SNX29: variants seen among roughly 807,000 people sequenced by gnomAD.
SNX29 encodes sorting nexin 29, also known as sorting nexin-29.
A neutral mutation model predicts 102.1 loss-of-function variants in SNX29; 78 were observed. The ratio of observed to expected loss-of-function variants is 0.76; its 90% CI spans 0.64 to 0.92. The LOEUF (loss-of-function observed/expected upper bound fraction) is 0.92. Ranked by LOEUF, SNX29 falls within the 40% of genes least tolerant of loss-of-function variation. SNX29 has a pLI of 0.00. For synonymous variants in SNX29, 580 were observed against 414.5 expected (o/e 1.40, Z -4.85); for missense variants, 1,280 against 1,061.7 (o/e 1.21, Z -2.86).
intron 14 of SNX29, among the ~76,000 whole-genome samples, chr16:12,259,250 C>G (rs1486367566): frequency 6.6e-6 from 1 of 152,212 alleles, no homozygotes; most frequent in Non-Finnish European, 1.5e-5. Context: ...AAAAAATGCA[C>G]TCCGCTTCCA....
chr16:12,558,979 CTT>C (rs1265032192), intron 20 of SNX29, among the ~76,000 whole-genome samples: 3 of 152,178 alleles, frequency 2.0e-5, no homozygotes, highest in Non-Finnish European at 4.4e-5. Flanking sequence ...GATTCAGAGA[CTT>C]TAAAGAAATT....
At chr16:12,212,352 C>G (rs2142048187) in intron 14 of SNX29, among the ~76,000 whole-genome samples, 1 of 152,290 alleles carries the variant, frequency 6.6e-6, no homozygotes, top group Non-Finnish European at 1.5e-5. Flanking sequence ...TTCTCAGGAG[C>G]AGGGCTGTGT....
intron 14 of SNX29, among the ~76,000 whole-genome samples, chr16:12,264,132 A>G (rs1596678322): frequency 6.6e-6 from 1 of 152,358 alleles, no homozygotes; most frequent in African/African-American, 2.4e-5. Flanking sequence ...AGCCCCTTGC[A>G]GAAAGTGGCT....
intron 18 of SNX29, among the ~76,000 whole-genome samples, chr16:12,427,649 G>A (rs1370700188): frequency 1.3e-5 from 2 of 152,162 alleles, no homozygotes; most frequent in South Asian, 4.1e-4. Context: ...TTAATAAAAC[G>A]GCCAGAGACA....
rs556019752 is a variant in SNX29 at position 12,096,951 on chromosome 16, C to T, written c.1402+18036C>T. 1.2e-3 allele frequency among the ~76,000 whole-genome samples: 186 copies of T among 152,192 alleles called. No homozygotes were observed. Among genetic ancestry groups the T allele is most frequent in the Non-Finnish European group, 2.1e-3 (142 of 67,998 alleles). On this transcript the variant is annotated intron_variant, in intron 11 of 20. Coordinates refer to ENST00000566228, the MANE Select transcript of SNX29 (RefSeq NM_032167.5). This position sits in a 1 kb window ranked among gnomAD's most constrained non-coding sequence, Gnocchi z 4.2. ...TCACAGGAGGGAAAGGTTAAGGGCT[C>T]GGTGCAGGGGAGGTCAGGAGGTCTT... is the stretch of plus-strand genomic sequence containing the variant.
At chr16:12,150,667 T>G (rs148351615) in intron 13 of SNX29, among the ~76,000 whole-genome samples, 25 of 152,344 alleles carry the variant, frequency 1.6e-4, no homozygotes, top group African/African-American at 5.5e-4. Flanking sequence ...ATAGTGTGCG[T>G]GAGCTGCATC....
intron 11 of SNX29, among the ~76,000 whole-genome samples, chr16:12,117,374 G>A (rs1170088554): frequency 7.1e-6 from 1 of 139,892 alleles, no homozygotes; most frequent in Non-Finnish European, 1.5e-5. Context: ...GCTTCAGTGC[G>A]GACGAACCGT....
intron 18 of SNX29, among the ~76,000 whole-genome samples, chr16:12,420,136 A>C (rs1265622261): frequency 6.6e-6 from 1 of 152,238 alleles, no homozygotes; most frequent in Non-Finnish European, 1.5e-5. Flanking sequence ...ACCCAGCAGC[A>C]GCCACATCCA....
At chr16:12,374,871 C>A (rs944750201) in intron 16 of SNX29, 4 of 152,148 alleles carry the variant, frequency 2.6e-5, no homozygotes, top group African/African-American at 9.7e-5. Context: ...TGACATTTGG[C>A]TTTCATCAGA....
chr16:12,076,659 G>A (rs2051589704), intron 10 of SNX29, among the ~76,000 whole-genome samples: 1 of 152,158 alleles, frequency 6.6e-6, no homozygotes, highest in African/African-American at 2.4e-5. Context: ...ATGCTTGGTG[G>A]CAGAACTGAA....
rs2079160266 is a variant in SNX29, at chr16:12,570,322, C to A, written c.*1693C>A. On this transcript the variant is annotated 3_prime_UTR_variant, in exon 21 of 21. Coordinates refer to ENST00000566228, the MANE Select transcript of SNX29 (RefSeq NM_032167.5). Reference sequence around the variant, plus strand: ...GAGGACCCGAGACATCCTGTAAAGGCAACTTGGTCTCCCTCCCACTCACCT... The same window carrying A: ...GAGGACCCGAGACATCCTGTAAAGGAAACTTGGTCTCCCTCCCACTCACCT... 1 of 937,296 alleles carries A rather than the reference C, an allele frequency of 1.1e-6. No individual in the cohort carries two copies. The allele number at this position is 937,296 out of a possible 1,614,324, so 58.1% of individuals were successfully genotyped here. A position where few individuals can be genotyped will look rare whatever the true frequency, so the allele number is the denominator to read the frequency against.
intron 18 of SNX29, among the ~76,000 whole-genome samples, chr16:12,467,417 C>T (rs1250948497): frequency 1.3e-5 from 2 of 152,194 alleles, no homozygotes; most frequent in Non-Finnish European, 2.9e-5. Context: ...GTCCCATGCT[C>T]TGAGCAGCCC....
chr16:12,020,509 A>G (rs994507495), intron 3 of SNX29, among the ~76,000 whole-genome samples: 1 of 151,402 alleles, frequency 6.6e-6, no homozygotes, highest in African/African-American at 2.4e-5. Context: ...ACCTGTTCTT[A>G]GATTTTTATC....
chr16:12,220,754 T>A (rs571636876), intron 14 of SNX29, among the ~76,000 whole-genome samples: 32 of 152,350 alleles, frequency 2.1e-4, no homozygotes, highest in African/African-American at 7.7e-4. Context: ...AATGATCTTT[T>A]AAGCTTCTTA....
chr16:12,150,452 C>A (rs562661159), intron 13 of SNX29, among the ~76,000 whole-genome samples: 6 of 152,200 alleles, frequency 3.9e-5, no homozygotes, highest in African/African-American at 1.4e-4. Context: ...CCTCAAGGTA[C>A]GAGGCCAGAC....
chr16:12,514,698 C>G (rs536489665), intron 19 of SNX29, among the ~76,000 whole-genome samples: 1 of 152,212 alleles, frequency 6.6e-6, no homozygotes, highest in African/African-American at 2.4e-5. Flanking sequence ...AACCCCGTCT[C>G]TAGTAAAAAT....
intron 20 of SNX29, among the ~76,000 whole-genome samples, chr16:12,549,652 C>G (rs142010149): frequency 1.1e-4 from 16 of 152,348 alleles, no homozygotes; most frequent in African/African-American, 3.1e-4. Context: ...GCTGCCGAAA[C>G]CAGCTTGAGG....
At chr16:11,983,235 A>ATTTT (rs557542669) in intron 1 of SNX29, among the ~76,000 whole-genome samples, 101 of 129,586 alleles carry the variant, frequency 7.8e-4, no homozygotes, top group East Asian at 1.4e-3. Context: ...CTGGGTTACA[A>ATTTT]TTTTTTTTTT....
rs186959035 is a variant in SNX29, at chr16:12,113,679, C to G, written c.1403-12954C>G. Among the ~76,000 whole-genome samples the G allele has an allele frequency of 2.0e-3, 299 of 152,384 alleles. 2 individuals carry two copies. The highest frequency in any genetic ancestry group is 6.7e-3 in the African/African-American group (279 of 41,582). On this transcript the variant is annotated intron_variant, in intron 11 of 20. Coordinates refer to ENST00000566228, the MANE Select transcript of SNX29 (RefSeq NM_032167.5). ...GCCACCAGTTAACCCCACCACTCCA[C>G]TGTGCATGAGGCCAGTGACAACAGA... is the stretch of plus-strand genomic sequence containing the variant.
Sources: gnomAD v4.1 joint callset for allele counts (sites outside exome capture counted in the v4.1 genomes callset) on GRCh38, gnomAD v4.1.1 for gene constraint, Gnocchi (gnomAD v3.1) non-coding constraint, MANE v1.5 for transcripts, NCBI Gene and HGNC (gene_info 2026-07-23, HGNC 2026-07-21) for gene names.